Variants in USP42 observed in about 807,000 individuals in gnomAD.
USP42 encodes the protein ubiquitin specific peptidase 42, also known as ubiquitin carboxyl-terminal hydrolase 42.
In USP42, 23 loss-of-function variants were observed where a neutral mutation model predicts 113.0. The ratio of observed to expected loss-of-function variants is 0.20; its 90% CI spans 0.15 to 0.29. The LOEUF (loss-of-function observed/expected upper bound fraction) is 0.29. Among genes scored for constraint, USP42 ranks in the 10% least tolerant of loss-of-function variants. The pLI, the probability that USP42 is intolerant of heterozygous loss-of-function variation, is 1.00. For missense variants in USP42, 2,174 were observed against 1,779.8 expected (o/e 1.22, Z -3.99); for synonymous variants, 933 against 699.0 (o/e 1.33, Z -5.28).
chr7:6,135,484 C>T (rs975667016), intron 3 of USP42, among the ~76,000 whole-genome samples: 3 of 151,300 alleles, frequency 2.0e-5, no homozygotes, highest in African/African-American at 7.3e-5. Flanking sequence ...CCCATCTCTA[C>T]TAAAAATACA....
At chr7:6,124,740 G>A (rs1007761274) in intron 3 of USP42, among the ~76,000 whole-genome samples, 5 of 151,414 alleles carry the variant, frequency 3.3e-5, no homozygotes, top group African/African-American at 1.2e-4. Flanking sequence ...TTTATTCTTG[G>A]TTGTCTTTTA....
chr7:6,109,093 G>A (rs964698886), intron 1 of USP42, among the ~76,000 whole-genome samples: 3 of 152,194 alleles, frequency 2.0e-5, no homozygotes, highest in East Asian at 3.9e-4. Flanking sequence ...TTCTAACCCC[G>A]TCTTGGGGGA....
chr7:6,148,682 T>A (rs1781858085), intron 12 of USP42, among the ~76,000 whole-genome samples: 1 of 152,226 alleles, frequency 6.6e-6, no homozygotes, highest in African/African-American at 2.4e-5. Flanking sequence ...AGTGGGGGCC[T>A]CATCTGAGCT....
chr7:6,099,741 T>C, the USP42 span, among the ~76,000 whole-genome samples: 3 of 150,314 alleles, frequency 2.0e-5, no homozygotes, highest in Non-Finnish European at 2.9e-5. Context: ...GGCAGGGAGA[T>C]CATTTGAGGT....
At chr7:6,127,672 G>A (rs1395959295) in intron 3 of USP42, among the ~76,000 whole-genome samples, 2 of 152,158 alleles carry the variant, frequency 1.3e-5, no homozygotes, top group African/African-American at 4.8e-5. Context: ...TGTTACTGTA[G>A]TTATGTAGTA....
chr7:6,137,767 C>T (rs1781225533), intron 4 of USP42, among the ~76,000 whole-genome samples: 1 of 152,176 alleles, frequency 6.6e-6, no homozygotes, highest in Non-Finnish European at 1.5e-5. Context: ...GCAACCTCCG[C>T]CTCTCGGATT....
intron 2 of USP42, among the ~76,000 whole-genome samples, chr7:6,113,102 A>C (rs957915993): frequency 3.3e-5 from 5 of 151,566 alleles, no homozygotes; most frequent in African/African-American, 1.2e-4. Context: ...ACGGGGTTTC[A>C]CCATGCTGGC....
chr7:6,154,798 G>T lies in USP42; in HGVS notation c.3244G>T (p.Glu1082Ter). Residue 1082 changes from glutamate (E) to a stop codon, truncating the protein, a stop_gained, in exon 15 of 18, where the codon GAG (glutamate) becomes TAG (stop). Coordinates refer to ENST00000306177, the MANE Select transcript of USP42 (RefSeq NM_032172.3). LOFTEE classifies it high-confidence loss of function. The stretch of plus-strand genomic sequence containing the variant: ...CTGGAAGCCCTTCCACGGCGGCCGC[G>T]AGCACGAGCGGGCCGGGCTGCACGA... ...RDWKPFHGGR[E>*]HERAGLHERP... 6.5e-7 allele frequency: 1 copy of T among 1,546,868 alleles called. No homozygotes were observed. The highest frequency in any genetic ancestry group is 8.7e-7 in the Non-Finnish European group (1 of 1,145,234).
intron 3 of USP42, among the ~76,000 whole-genome samples, chr7:6,129,822 T>C (rs926102932): frequency 2.7e-5 from 4 of 150,414 alleles, no homozygotes; most frequent in African/African-American, 7.4e-5. Context: ...GATCATGCCA[T>C]TGTACTCCAG....
At chr7:6,103,128 G>T (rs1790180896), upstream of USP42, among the ~76,000 whole-genome samples, 1 of 151,078 alleles carries the variant, frequency 6.6e-6, no homozygotes, top group South Asian at 2.1e-4. Context: ...GGGAGATGCA[G>T]AGATGAACTA....
intron 3 of USP42, among the ~76,000 whole-genome samples, chr7:6,125,600 A>T (rs1163971759): frequency 2.6e-5 from 4 of 152,120 alleles, no homozygotes; most frequent in Non-Finnish European, 4.4e-5. Context: ...GCGTTGTTGT[A>T]TTATTTTTTT....
At chr7:6,146,796 G>A (rs747061236) in intron 11 of USP42, among the ~76,000 whole-genome samples, 13 of 152,348 alleles carry the variant, frequency 8.5e-5, no homozygotes, top group Non-Finnish European at 1.6e-4. Context: ...GCAGGGAGAG[G>A]TGGTGGCTGA....
At chr7:6,096,227 C>T in the USP42 span, among the ~76,000 whole-genome samples, 1 of 151,276 alleles carries the variant, frequency 6.6e-6, no homozygotes, top group African/African-American at 2.5e-5. Context: ...AATCCCAGCA[C>T]TTTGGGAGGC....
the USP42 span, among the ~76,000 whole-genome samples, chr7:6,086,268 C>T: frequency 3.5e-5 from 5 of 142,698 alleles, no homozygotes; most frequent in East Asian, 2.0e-4. Context: ...TGTAGTGGCG[C>T]GATCTCAGTT....
chr7:6,152,834 TGGA>T (rs1262745086), intron 14 of USP42: 1 of 522,844 alleles, frequency 1.9e-6, no homozygotes. Flanking sequence ...TGTCAGTAAT[TGGA>T]GGAGCTGCTG....
At chr7:6,107,117 GA>G (rs983859604) in intron 1 of USP42, among the ~76,000 whole-genome samples, 6 of 152,180 alleles carry the variant, frequency 3.9e-5, no homozygotes, top group African/African-American at 1.4e-4. Context: ...AAATGAAGGC[GA>G]ATGGATAGCT....
intron 1 of USP42, among the ~76,000 whole-genome samples, chr7:6,106,454 ACATAC>A (rs1779283120): frequency 6.6e-6 from 1 of 152,232 alleles, no homozygotes; most frequent in African/African-American, 2.4e-5. Context: ...AACAAGGGAG[ACATAC>A]CATATAAGAG....
intron 1 of USP42, among the ~76,000 whole-genome samples, chr7:6,110,367 A>T (rs191509411): frequency 6.6e-6 from 1 of 152,178 alleles, no homozygotes; most frequent in Non-Finnish European, 1.5e-5. Flanking sequence ...AAGTTAATGT[A>T]TGTCCAGCAG....
At chr7:6,082,938 CATAT>C in the USP42 span, among the ~76,000 whole-genome samples, 1 of 144,492 alleles carries the variant, frequency 6.9e-6, no homozygotes, top group African/African-American at 2.6e-5. Context: ...TATATAGATA[CATAT>C]ATATATATAT....
Sources: allele counts gnomAD v4.1 joint callset (sites outside exome capture counted in the v4.1 genomes callset), GRCh38; gene constraint gnomAD v4.1.1; transcripts MANE v1.5; gene names NCBI Gene and HGNC (gene_info 2026-07-23, HGNC 2026-07-21).